The following MYOM1 variants were observed in gnomAD, a reference collection of about 807,000 sequenced individuals.
MYOM1 encodes myomesin-1.
MYOM1 carries 164 observed loss-of-function variants against 205.3 expected under a neutral mutation model. The ratio of observed to expected loss-of-function variants is 0.80; its 90% confidence interval spans 0.70 to 0.91. The LOEUF (loss-of-function observed/expected upper bound fraction) is 0.91, where lower values mean the gene tolerates loss of function less well. Ranked by LOEUF, MYOM1 falls within the 40% of genes least tolerant of loss-of-function variation. MYOM1 has a pLI of 0.00. For missense variants in MYOM1, 2,011 were observed against 2,127.3 expected (o/e 0.95, Z 1.08); for synonymous variants, 772 against 789.4 (o/e 0.98, Z 0.37).
chr18:3,118,618 GC>G, intron 20 of MYOM1, among the ~76,000 whole-genome samples: 1 of 152,208 alleles, frequency 6.6e-6, no homozygotes, highest in Non-Finnish European at 1.5e-5. Context: ...ACAGGAATGA[GC>G]CACCGCACCC....
the MYOM1 span, among the ~76,000 whole-genome samples, chr18:3,234,261 G>T: frequency 5.3e-5 from 8 of 152,178 alleles, no homozygotes; most frequent in African/African-American, 1.9e-4. Flanking sequence ...TAATGTAAAA[G>T]TAATATATGT....
chr18:3,188,757 C>T lies in MYOM1; in HGVS notation c.762G>A (p.Leu254=). The change falls in exon 4 of 38, where the codon CTG becomes CTA. Residue 254 remains leucine, a synonymous_variant. Coordinates refer to ENST00000356443, the MANE Select transcript of MYOM1 (RefSeq NM_003803.4). ...VIREKAERLS[L]RKTLEETETY... The stretch of plus-strand genomic sequence containing the variant: ...AACTGTCTTTTCTTACTGTTTTCCT[C>T]AGGGACAGGCGTTCTGCCTTTTCTC... The T allele has an allele frequency of 6.3e-7, 1 of 1,579,536 alleles. No homozygotes were observed. The highest frequency in any genetic ancestry group is 8.6e-7 in the Non-Finnish European group (1 of 1,162,042).
intron 9 of MYOM1, among the ~76,000 whole-genome samples, chr18:3,165,879 C>T (rs1346375364): frequency 6.6e-6 from 1 of 152,188 alleles, no homozygotes; most frequent in Non-Finnish European, 1.5e-5. Flanking sequence ...GGCCTTAGGT[C>T]CTGGTCTCTT....
chr18:3,142,862 A>C (rs565763063), intron 13 of MYOM1, among the ~76,000 whole-genome samples: 1 of 152,316 alleles, frequency 6.6e-6, no homozygotes, highest in African/African-American at 2.4e-5. Flanking sequence ...AGTTTAGGAC[A>C]GTTTTAGTTT....
chr18:3,146,084 G>T (rs937518853), intron 13 of MYOM1, among the ~76,000 whole-genome samples: 3 of 151,888 alleles, frequency 2.0e-5, no homozygotes, highest in Admixed American at 6.6e-5. Context: ...TTTAAAAATT[G>T]AATTTGCAGT....
chr18:3,190,139 T>C (rs190552115), intron 3 of MYOM1, among the ~76,000 whole-genome samples: 30 of 152,370 alleles, frequency 2.0e-4, no homozygotes, highest in Non-Finnish European at 2.8e-4. Flanking sequence ...GTGCAATGCC[T>C]ACTGTGGCAG....
At chr18:3,075,634 G>T in intron 35 of MYOM1, 91 bp downstream of exon 35, 6 of 1,458,452 alleles carry the variant, frequency 4.1e-6, no homozygotes, top group South Asian at 2.3e-5. Context: ...GAAATAAAAG[G>T]CTCTTTCTAA....
intron 2 of MYOM1, among the ~76,000 whole-genome samples, chr18:3,212,784 A>G (rs2081206458): frequency 1.3e-5 from 2 of 152,216 alleles, no homozygotes; most frequent in African/African-American, 4.8e-5. Context: ...TTTCAGGGAA[A>G]CAAATTGAGG....
intron 22 of MYOM1, among the ~76,000 whole-genome samples, chr18:3,103,443 T>C (rs1039262741): frequency 3.3e-5 from 5 of 152,190 alleles, no homozygotes; most frequent in African/African-American, 4.8e-5. Context: ...CTGCACCTAA[T>C]AGAGAATTCA....
intron 8 of MYOM1, among the ~76,000 whole-genome samples, chr18:3,171,169 A>T (rs9964123): frequency 0.013 from 1,999 of 152,156 alleles, 33 homozygotes; most frequent in African/African-American, 0.042. Context: ...GCTCTTGGCC[A>T]ATACATTGTA....
chr18:3,207,484 A>G (rs2081138034), intron 2 of MYOM1, among the ~76,000 whole-genome samples: 1 of 152,250 alleles, frequency 6.6e-6, no homozygotes, highest in South Asian at 2.1e-4. Context: ...TTATTTATAA[A>G]GCAGCCCAGA....
intron 20 of MYOM1, among the ~76,000 whole-genome samples, chr18:3,118,525 G>A (rs2079638876): frequency 6.6e-6 from 1 of 151,960 alleles, no homozygotes; most frequent in Admixed American, 6.6e-5. Flanking sequence ...TAAGAGATGA[G>A]GCCTCACCAC....
intron 2 of MYOM1, 107 bp downstream of exon 2, chr18:3,214,827 A>C (rs1183645037): frequency 7.4e-7 from 1 of 1,351,180 alleles, no homozygotes; most frequent in Non-Finnish European, 9.8e-7. Context: ...ACTCTGTCTC[A>C]AAAAACCAAA....
intron 4 of MYOM1, 59 bp downstream of exon 4, chr18:3,188,688 CA>C (rs1360874355): frequency 9.9e-6 from 14 of 1,414,352 alleles, no homozygotes; most frequent in African/African-American, 7.3e-5. Context: ...CACACACACA[CA>C]CACCCCTTAT....
chr18:3,082,602 T>G (rs2079097059), intron 33 of MYOM1, among the ~76,000 whole-genome samples: 1 of 152,176 alleles, frequency 6.6e-6, no homozygotes, highest in African/African-American at 2.4e-5. Context: ...ATTTGCAGTT[T>G]GGAACATTTG....
At chr18:3,112,261 A>G in intron 22 of MYOM1, 37 bp downstream of exon 22, 1 of 1,569,512 alleles carries the variant, frequency 6.4e-7, no homozygotes, top group Admixed American at 1.7e-5. Context: ...TATCTTACAC[A>G]GATAGGATTA....
At chr18:3,072,011 A>G (rs2078963751) in intron 36 of MYOM1, 122 bp from the exon 37 acceptor site, 2 of 821,252 alleles carry the variant, frequency 2.4e-6, no homozygotes, top group Non-Finnish European at 4.0e-6. Flanking sequence ...TCTTTTATAC[A>G]GTTTTCAACA....
chr18:3,201,922 A>G (rs980192592), intron 2 of MYOM1, among the ~76,000 whole-genome samples: 1 of 152,132 alleles, frequency 6.6e-6, no homozygotes, highest in Non-Finnish European at 1.5e-5. Flanking sequence ...GGAATTGCAC[A>G]TGTAAGCCAC....
chr18:3,171,168 C>T (rs1477139105), intron 8 of MYOM1, among the ~76,000 whole-genome samples: 2 of 152,192 alleles, frequency 1.3e-5, no homozygotes, highest in Non-Finnish European at 2.9e-5. Flanking sequence ...TGCTCTTGGC[C>T]AATACATTGT....
Sources: allele counts gnomAD v4.1 joint callset (sites outside exome capture counted in the v4.1 genomes callset), GRCh38; gene constraint gnomAD v4.1.1; transcripts MANE v1.5; gene names NCBI Gene and HGNC (gene_info 2026-07-23, HGNC 2026-07-21).